The following CADM2 variants were observed in gnomAD, a reference collection of about 807,000 sequenced individuals.
The protein encoded by CADM2 is cell adhesion molecule 2.
CADM2 carries 12 observed loss-of-function variants against 49.8 expected under a neutral mutation model. The ratio of observed to expected loss-of-function variants is 0.24; its 90% CI spans 0.15 to 0.39. The LOEUF (loss-of-function observed/expected upper bound fraction) is 0.39, where lower values mean the gene tolerates loss of function less well. Among genes scored for constraint, CADM2 ranks in the 10% least tolerant of loss-of-function variants. CADM2 has a pLI of 1.00. For missense variants in CADM2, 378 were observed against 492.3 expected (o/e 0.77, Z 2.20); for synonymous variants, 214 against 175.4 (o/e 1.22, Z -1.74).
intron 1 of CADM2, among the ~76,000 whole-genome samples, chr3:84,977,694 T>G (rs2107121415): frequency 6.6e-6 from 1 of 152,208 alleles, no homozygotes; most frequent in South Asian, 2.1e-4. Flanking sequence ...TATTATTGGC[T>G]ACATATGTTC....
At chr3:85,145,523 A>C (rs2039711491) in intron 1 of CADM2, among the ~76,000 whole-genome samples, 1 of 152,004 alleles carries the variant, frequency 6.6e-6, no homozygotes, top group Non-Finnish European at 1.5e-5. Context: ...ATTTTAAAAC[A>C]CACTGGCTTT....
At chr3:85,554,034 A>G (rs1161145095) in intron 1 of CADM2, among the ~76,000 whole-genome samples, 3 of 150,756 alleles carry the variant, frequency 2.0e-5, no homozygotes, top group Non-Finnish European at 4.4e-5. Flanking sequence ...AATACTACCC[A>G]TGTTCCAAGG....
chr3:85,403,736 A>G (rs1402346296), intron 1 of CADM2, among the ~76,000 whole-genome samples: 1 of 152,158 alleles, frequency 6.6e-6, no homozygotes, highest in Non-Finnish European at 1.5e-5. Flanking sequence ...TTAGATTTCA[A>G]ACTTCCAGAA....
chr3:85,930,176 T>C (rs1720408086), intron 6 of CADM2, among the ~76,000 whole-genome samples: 1 of 152,204 alleles, frequency 6.6e-6, no homozygotes, highest in South Asian at 2.1e-4. Flanking sequence ...AAAAATAGTT[T>C]ACACATGTAG....
In CADM2 at chr3:85,664,615, A is replaced by G. The variant is rs528417131; in HGVS notation, c.62-61907A>G. Among the ~76,000 whole-genome samples the G allele has an allele frequency of 3.1e-3, 471 of 152,018 alleles. 3 individuals are homozygous for G. The highest frequency in any genetic ancestry group is 5.2e-3 in the Non-Finnish European group (353 of 67,902). Reference sequence around the variant, plus strand: ...ATTTTTTTTCCTTATAATAGCCACTAATAGATCTCTCTGATTCTTCCATTA... The same window carrying G: ...ATTTTTTTTCCTTATAATAGCCACTGATAGATCTCTCTGATTCTTCCATTA... On this transcript the variant is annotated intron_variant, in intron 1 of 9. Transcript: ENST00000383699.
At chr3:85,033,036 T>A (rs967633055) in intron 1 of CADM2, among the ~76,000 whole-genome samples, 3 of 152,176 alleles carry the variant, frequency 2.0e-5, no homozygotes, top group African/African-American at 7.2e-5. Flanking sequence ...AAGGAAAAAT[T>A]CTACTTAAAA....
At chr3:85,425,232 G>A (rs903676659) in intron 1 of CADM2, among the ~76,000 whole-genome samples, 1 of 152,172 alleles carries the variant, frequency 6.6e-6, no homozygotes, top group African/African-American at 2.4e-5. Flanking sequence ...GTTCAAAAGA[G>A]AATGTTCAGC....
intron 1 of CADM2, among the ~76,000 whole-genome samples, chr3:85,398,377 T>C (rs1053999440): frequency 6.6e-6 from 1 of 152,196 alleles, no homozygotes; most frequent in Non-Finnish European, 1.5e-5. Flanking sequence ...GGTGTATATG[T>C]GTCACATTTT....
At chr3:85,429,567 G>A (rs1318532402) in intron 1 of CADM2, among the ~76,000 whole-genome samples, 4 of 151,880 alleles carry the variant, frequency 2.6e-5, no homozygotes, top group Non-Finnish European at 4.4e-5. Flanking sequence ...TATATTCATG[G>A]CATGAACTCA....
chr3:85,653,923 T>C (rs2107590053), intron 1 of CADM2, among the ~76,000 whole-genome samples: 1 of 152,272 alleles, frequency 6.6e-6, no homozygotes, highest in Non-Finnish European at 1.5e-5. Context: ...GTTTCAAAAG[T>C]CAAATGAAGA....
intron 6 of CADM2, among the ~76,000 whole-genome samples, chr3:85,912,818 T>TG (rs1317460505): frequency 2.0e-5 from 3 of 151,874 alleles, no homozygotes; most frequent in African/African-American, 7.3e-5. Context: ...CACGTAAGGG[T>TG]GGGGGAGAAA....
intron 1 of CADM2, among the ~76,000 whole-genome samples, chr3:85,495,141 A>G (rs546086247): frequency 2.0e-5 from 3 of 152,304 alleles, no homozygotes; most frequent in South Asian, 4.1e-4. Flanking sequence ...GTTTTTAATT[A>G]TAATTCCAAC....
At chr3:85,612,195 G>A (rs995064392) in intron 1 of CADM2, among the ~76,000 whole-genome samples, 8 of 151,720 alleles carry the variant, frequency 5.3e-5, no homozygotes, top group Non-Finnish European at 8.8e-5. Flanking sequence ...ATATTTTAGG[G>A]AAAATATCTC....
At chr3:85,388,541 T>C (rs2034359529) in intron 1 of CADM2, among the ~76,000 whole-genome samples, 1 of 152,158 alleles carries the variant, frequency 6.6e-6, no homozygotes, top group South Asian at 2.1e-4. Context: ...ACGTATGTAT[T>C]TTATATATAT....
intron 1 of CADM2, among the ~76,000 whole-genome samples, chr3:85,449,621 T>G (rs185043706): frequency 2.0e-5 from 3 of 152,060 alleles, no homozygotes; most frequent in African/African-American, 7.2e-5. Flanking sequence ...AACAAGCTCC[T>G]TACTCTCAAC....
intron 1 of CADM2, among the ~76,000 whole-genome samples, chr3:85,350,008 G>A (rs2031177306): frequency 6.6e-6 from 1 of 152,148 alleles, no homozygotes; most frequent in Non-Finnish European, 1.5e-5. Flanking sequence ...ACTCTATAAT[G>A]AACAATCAAA....
chr3:85,760,344 T>C (rs563485090), intron 2 of CADM2, among the ~76,000 whole-genome samples: 25 of 152,050 alleles, frequency 1.6e-4, no homozygotes, highest in African/African-American at 5.5e-4. Flanking sequence ...TACTTCTTTT[T>C]TTTTTTCGTT....
intron 1 of CADM2, among the ~76,000 whole-genome samples, chr3:85,449,578 T>C (rs2037657285): frequency 6.6e-6 from 1 of 152,092 alleles, no homozygotes; most frequent in African/African-American, 2.4e-5. Flanking sequence ...TTTCTGAGTT[T>C]TATTTCCTTC....
chr3:85,304,718 A>C (rs2044174611), intron 1 of CADM2, among the ~76,000 whole-genome samples: 1 of 151,892 alleles, frequency 6.6e-6, no homozygotes, highest in Admixed American at 6.6e-5. Flanking sequence ...CCAATAGTTT[A>C]ATTTCATGGT....
Sources: allele counts gnomAD v4.1 joint callset (sites outside exome capture counted in the v4.1 genomes callset), GRCh38; gene constraint gnomAD v4.1.1; transcripts MANE v1.5; gene names NCBI Gene and HGNC (gene_info 2026-07-23, HGNC 2026-07-21).